Variants in SLMAP observed in about 807,000 individuals in gnomAD.
The protein encoded by SLMAP is sarcolemmal membrane-associated protein.
A neutral mutation model predicts 128.8 loss-of-function variants in SLMAP; 44 were observed. The observed-to-expected ratio is 0.34, with a 90% CI of 0.27 to 0.44. The LOEUF is 0.44. Among genes scored for constraint, SLMAP ranks in the 20% least tolerant of loss-of-function variants. The pLI is 1.00. For missense variants in SLMAP, 787 were observed against 985.3 expected, an observed-to-expected ratio of 0.80 and a Z score of 2.69; for synonymous variants, 327 against 348.8, an observed-to-expected ratio of 0.94 and a Z score of 0.70.
chr3:57,764,907 G>T (rs930730795), intron 2 of SLMAP, among the ~76,000 whole-genome samples: 1 of 152,134 alleles, frequency 6.6e-6, no homozygotes, highest in South Asian at 2.1e-4. Context: ...GCCAGAAAAT[G>T]AAAAAAGATA....
At position 57,917,418 on chromosome 3, in the gene SLMAP, G is replaced by A. The variant is rs17058661; in HGVS notation, c.2310+341G>A. 3,151 of 327,420 alleles carry A rather than the reference G, an allele frequency of 9.6e-3. 85 individuals carry two copies. Among genetic ancestry groups the A allele is most frequent in the African/African-American group, 0.063 (2,941 of 46,352 alleles). The allele number at this position is 327,420 out of a possible 1,614,324, so 20.3% of individuals were successfully genotyped here. A position where few individuals can be genotyped will look rare whatever the true frequency, so the allele number is the denominator to read the frequency against. On this transcript the variant is annotated intron_variant, in intron 22 of 24. Coordinates refer to ENST00000671191, the MANE Select transcript of SLMAP (RefSeq NM_001377540.1). ...ATGTAACTTAGCATACTTTTGGAAAGCAAACTGAGGCCATACTCTAATGCT... is the reference window on the plus strand; with the variant it reads ...ATGTAACTTAGCATACTTTTGGAAAACAAACTGAGGCCATACTCTAATGCT...
chr3:57,839,239 A>G (rs1392734913), intron 3 of SLMAP, among the ~76,000 whole-genome samples: 1 of 151,726 alleles, frequency 6.6e-6, no homozygotes, highest in Non-Finnish European at 1.5e-5. Flanking sequence ...GTGCCCTGCC[A>G]ATAGATGGTT....
chr3:57,806,986 T>G (rs574126901), intron 2 of SLMAP, among the ~76,000 whole-genome samples: 4 of 152,328 alleles, frequency 2.6e-5, no homozygotes, highest in African/African-American at 9.6e-5. Context: ...CCACCAACAG[T>G]GTAAAAGTGT....
At chr3:57,906,300 C>CTTT (rs112949836) in intron 17 of SLMAP, among the ~76,000 whole-genome samples, 3 of 71,266 alleles carry the variant, frequency 4.2e-5, no homozygotes, top group Admixed American at 1.9e-4. Context: ...AAATTTTTTT[C>CTTT]TTTTTTTTTC....
rs138267106 is a variant in SLMAP at position 57,841,936 on chromosome 3, T to TTTAC, written c.419+565_419+566insTTAC. Among the ~76,000 whole-genome samples, 3 of 152,312 alleles carry TTTAC rather than the reference T, an allele frequency of 2.0e-5. No individual in the cohort carries two copies. The East Asian group carries it at 5.8e-4, about 29-fold the overall frequency. On this transcript the variant is annotated intron_variant, in intron 4 of 24. Transcript: ENST00000671191. ...TAAAATCTAGATTTTTAAAAGCATATGTAAGTACATTTTGATCTTGGGGTT... is the reference window on the plus strand; with the variant it reads ...TAAAATCTAGATTTTTAAAAGCATATTTACGTAAGTACATTTTGATCTTGGGGTT...
chr3:57,894,984 C>T (rs1304747516), intron 15 of SLMAP, among the ~76,000 whole-genome samples: 1 of 151,982 alleles, frequency 6.6e-6, no homozygotes, highest in African/African-American at 2.4e-5. Flanking sequence ...ACATTTTCTG[C>T]AAATGCTACC....
At chr3:57,895,408 T>C (rs2096214985) in intron 15 of SLMAP, among the ~76,000 whole-genome samples, 1 of 152,072 alleles carries the variant, frequency 6.6e-6, no homozygotes, top group African/African-American at 2.4e-5. Context: ...CAATCTCGGC[T>C]CACTGCAACC....
At chr3:57,865,508 TACTC>T (rs1047985976) in intron 13 of SLMAP, among the ~76,000 whole-genome samples, 1 of 152,126 alleles carries the variant, frequency 6.6e-6, no homozygotes, top group Non-Finnish European at 1.5e-5. Flanking sequence ...AAATTTCAAT[TACTC>T]AAATCAGAAA....
intron 4 of SLMAP, among the ~76,000 whole-genome samples, chr3:57,843,000 T>G (rs1228249600): frequency 6.6e-6 from 1 of 152,186 alleles, no homozygotes; most frequent in Non-Finnish European, 1.5e-5. Flanking sequence ...AACAGGAATT[T>G]TATGAGAATT....
chr3:57,837,045 GTATCTTC>G (rs1341944573), intron 3 of SLMAP, among the ~76,000 whole-genome samples: 1 of 152,204 alleles, frequency 6.6e-6, no homozygotes, highest in Admixed American at 6.5e-5. Flanking sequence ...AGTCAATGGT[GTATCTTC>G]CTTTGGCATT....
intron 22 of SLMAP, among the ~76,000 whole-genome samples, chr3:57,920,010 G>T (rs1169000451): frequency 1.3e-5 from 2 of 152,050 alleles, no homozygotes; most frequent in African/African-American, 4.8e-5. Flanking sequence ...GTGCTTTGGT[G>T]CACAGGGCAG....
In SLMAP at chr3:57,912,512, G is replaced by A; in HGVS notation, c.1831G>A (p.Val611Ile). 2 of 1,614,176 alleles carry A rather than the reference G, an allele frequency of 1.2e-6. No individual in the cohort carries two copies. The highest frequency in any genetic ancestry group is 1.7e-6 in the Non-Finnish European group (2 of 1,180,024). ...GCTCCTTCATCAAGCAGCAGCAAAG[G>A]TTGCCTCTGAGCGGGACACTGACAT... ...ILLLHQAAAK[V>I]ASERDTDIAS... Residue 611 changes from valine (V) to isoleucine (I), a missense_variant, in exon 20 of 25, where the codon GTT becomes ATT. Physicochemically the swap from Val to Ile is conservative, Grantham distance 29. Coordinates refer to ENST00000671191, the MANE Select transcript of SLMAP (RefSeq NM_001377540.1).
At chr3:57,776,522 C>CTCTTTTTTTTTTT (rs571722815) in intron 2 of SLMAP, among the ~76,000 whole-genome samples, 1 of 92,610 alleles carries the variant, frequency 1.1e-5, no homozygotes, top group African/African-American at 4.7e-5. Flanking sequence ...CTCTCTCTCT[C>CTCTTTTTTTTTTT]TTTTTTTTTT....
intron 14 of SLMAP, among the ~76,000 whole-genome samples, chr3:57,872,986 G>A (rs1046550131): frequency 2.6e-5 from 4 of 152,096 alleles, no homozygotes; most frequent in African/African-American, 7.2e-5. Flanking sequence ...CCTCAGGAGC[G>A]CTTGGGGGTT....
intron 3 of SLMAP, among the ~76,000 whole-genome samples, chr3:57,835,034 A>G (rs1490838810): frequency 1.5e-5 from 2 of 137,442 alleles, no homozygotes; most frequent in South Asian, 2.5e-4. Context: ...AAGTGGGAGG[A>G]TGGCTTGAGC....
chr3:57,884,823 T>G (rs1014420269), intron 14 of SLMAP, among the ~76,000 whole-genome samples: 5 of 151,520 alleles, frequency 3.3e-5, no homozygotes, highest in African/African-American at 4.8e-5. Context: ...AAAAATAAAA[T>G]AAAAAAATAA....
intron 2 of SLMAP, among the ~76,000 whole-genome samples, chr3:57,820,603 T>C (rs550417887): frequency 2.6e-4 from 40 of 152,340 alleles, no homozygotes; most frequent in Non-Finnish European, 5.0e-4. Context: ...AGGCTTTCTT[T>C]GCCTTGCAGG....
At chr3:57,811,098 A>C (rs1440348154) in intron 2 of SLMAP, among the ~76,000 whole-genome samples, 1 of 152,214 alleles carries the variant, frequency 6.6e-6, no homozygotes, top group Non-Finnish European at 1.5e-5. Context: ...GTAACATAAA[A>C]TTTATCATTG....
intron 2 of SLMAP, 22 bp from the exon 3 acceptor site, chr3:57,831,361 T>C (rs2093327571): frequency 2.1e-6 from 3 of 1,455,846 alleles, no homozygotes; most frequent in Admixed American, 2.5e-5. Flanking sequence ...TGGCCCTTTT[T>C]TGTTTTTGTT....
Sources: allele counts gnomAD v4.1 joint callset (sites outside exome capture counted in the v4.1 genomes callset), GRCh38; gene constraint gnomAD v4.1.1; transcripts MANE v1.5; gene names NCBI Gene and HGNC (gene_info 2026-07-23, HGNC 2026-07-21).